ADAMTS19: variants seen among roughly 807,000 people sequenced by gnomAD.
ADAMTS19 encodes the protein A disintegrin and metalloproteinase with thrombospondin motifs 19.
ADAMTS19 carries 93 observed loss-of-function variants against 153.3 expected under a neutral mutation model. That is an observed-to-expected ratio of 0.61 (90% CI 0.51 to 0.72). ADAMTS19 has a LOEUF of 0.72. Ranked by LOEUF, ADAMTS19 falls within the 30% of genes least tolerant of loss-of-function variation. The pLI, the probability that ADAMTS19 is intolerant of heterozygous loss-of-function variation, is 0.00. For synonymous variants in ADAMTS19, 600 were observed against 556.6 expected (o/e 1.08, Z -1.10); for missense variants, 1,482 against 1,552.1 (o/e 0.95, Z 0.76).
intron 21 of ADAMTS19, among the ~76,000 whole-genome samples, chr5:129,719,514 C>T (rs1014722210): frequency 6.6e-6 from 1 of 152,188 alleles, no homozygotes; most frequent in Non-Finnish European, 1.5e-5. Flanking sequence ...GGCATTTTAC[C>T]ATGGATTCTC....
chr5:129,625,923 C>T (rs1752022744), intron 10 of ADAMTS19, among the ~76,000 whole-genome samples: 1 of 152,100 alleles, frequency 6.6e-6, no homozygotes, highest in African/African-American at 2.4e-5. Context: ...TTGCCCATGC[C>T]TATGTCCTGA....
chr5:129,658,254 C>T (rs1248937037), intron 14 of ADAMTS19, among the ~76,000 whole-genome samples: 2 of 150,234 alleles, frequency 1.3e-5, no homozygotes, highest in Non-Finnish European at 3.0e-5. Context: ...CCTCTGCACT[C>T]CAGCCTAGGT....
intron 2 of ADAMTS19, among the ~76,000 whole-genome samples, chr5:129,475,236 G>A (rs938899809): frequency 6.6e-6 from 1 of 151,532 alleles, no homozygotes; most frequent in Non-Finnish European, 1.5e-5. Flanking sequence ...TCAATCCTAT[G>A]ATTCATTAGC....
Position 129,654,381 on chromosome 5 carries a change from G to C in ADAMTS19, c.2252G>C (p.Gly751Ala). 1 of 1,613,142 alleles carries C rather than the reference G, an allele frequency of 6.2e-7. No homozygotes were observed. Among genetic ancestry groups the C allele is most frequent in the Non-Finnish European group, 8.5e-7 (1 of 1,179,686 alleles). The change falls in exon 14 of 23, where the codon GGA (glycine) becomes GCA (alanine). Residue 751 changes from glycine to alanine, a missense_variant. Coordinates refer to ENST00000274487, the MANE Select transcript of ADAMTS19 (RefSeq NM_133638.6). ...CTTCTATCAGAAAAAGTGATGGATG[G>C]AACTTCTTGTGGCTATCAGGGATTA... The part of the protein sequence containing the change: ...PILLSEKVMD[G>A]TSCGYQGLDI...
At chr5:129,661,384 A>G (rs1234171329) in intron 15 of ADAMTS19, among the ~76,000 whole-genome samples, 1 of 152,220 alleles carries the variant, frequency 6.6e-6, no homozygotes, top group Non-Finnish European at 1.5e-5. Context: ...TATTAATTCT[A>G]TCACAGGCAC....
At chr5:129,630,309 T>C (rs903945511) in intron 10 of ADAMTS19, among the ~76,000 whole-genome samples, 5 of 152,056 alleles carry the variant, frequency 3.3e-5, no homozygotes, top group Non-Finnish European at 7.4e-5. Context: ...GAATTTGGAT[T>C]TAAAAAAGGC....
At chr5:129,479,592 C>T (rs1750342639) in intron 2 of ADAMTS19, among the ~76,000 whole-genome samples, 2 of 152,208 alleles carry the variant, frequency 1.3e-5, no homozygotes, top group East Asian at 1.9e-4. Context: ...CTAAAACAAA[C>T]GTGCGAGGTT....
At chr5:129,597,281 A>G (rs1750424563) in intron 8 of ADAMTS19, among the ~76,000 whole-genome samples, 1 of 152,256 alleles carries the variant, frequency 6.6e-6, no homozygotes, top group Non-Finnish European at 1.5e-5. Flanking sequence ...CAACACTTAC[A>G]TAGTACTTAC....
At chr5:129,700,145 A>G (rs1755764743) in intron 19 of ADAMTS19, among the ~76,000 whole-genome samples, 1 of 152,210 alleles carries the variant, frequency 6.6e-6, no homozygotes, top group South Asian at 2.1e-4. Context: ...CTTTTCTGTC[A>G]TAGGTTTTAG....
At chr5:129,578,900 A>G (rs2126880793) in intron 7 of ADAMTS19, among the ~76,000 whole-genome samples, 1 of 152,282 alleles carries the variant, frequency 6.6e-6, no homozygotes, top group Non-Finnish European at 1.5e-5. Context: ...TGCAATATAC[A>G]TACGTGTGCA....
chr5:129,477,414 C>A (rs1364290952), intron 2 of ADAMTS19, among the ~76,000 whole-genome samples: 2 of 152,114 alleles, frequency 1.3e-5, no homozygotes, highest in Non-Finnish European at 2.9e-5. Context: ...TGAATTGATA[C>A]AACCTTCGTA....
intron 17 of ADAMTS19, 93 bp from the exon 18 acceptor site, chr5:129,684,027 A>G: frequency 7.5e-7 from 1 of 1,330,968 alleles, no homozygotes; most frequent in East Asian, 2.3e-5. Context: ...CAACACAATG[A>G]GCATTTTAAG....
intron 21 of ADAMTS19, among the ~76,000 whole-genome samples, chr5:129,709,021 A>G (rs1756313154): frequency 6.6e-6 from 1 of 152,148 alleles, no homozygotes. Flanking sequence ...AGCCTGCAGT[A>G]TAATGAGTAA....
chr5:129,703,376 G>A (rs1256863066), intron 20 of ADAMTS19, among the ~76,000 whole-genome samples: 1 of 151,988 alleles, frequency 6.6e-6, no homozygotes, highest in African/African-American at 2.4e-5. Flanking sequence ...GAACCAAATT[G>A]TATTTTAATT....
intron 21 of ADAMTS19, among the ~76,000 whole-genome samples, chr5:129,727,389 C>G (rs1757249980): frequency 6.6e-6 from 1 of 152,062 alleles, no homozygotes; most frequent in Admixed American, 6.6e-5. Flanking sequence ...TTACCTCATA[C>G]CATATAACCT....
At chr5:129,608,567 C>CTGCTCTAAGAAGAGAGGATA (rs1276230768) in intron 8 of ADAMTS19, among the ~76,000 whole-genome samples, 1 of 152,060 alleles carries the variant, frequency 6.6e-6, no homozygotes, top group Non-Finnish European at 1.5e-5. Context: ...AGTAGTATAT[C>CTGCTCTAAGAAGAGAGGATA]TGCTCTAAGA....
At chr5:129,674,204 C>A (rs1202934211) in intron 16 of ADAMTS19, among the ~76,000 whole-genome samples, 2 of 149,660 alleles carry the variant, frequency 1.3e-5, no homozygotes, top group Non-Finnish European at 3.0e-5. Context: ...GCACTCCAGC[C>A]TAGGCAACAA....
At chr5:129,551,228 G>A (rs1222179911) in intron 6 of ADAMTS19, among the ~76,000 whole-genome samples, 1 of 151,518 alleles carries the variant, frequency 6.6e-6, no homozygotes, top group Non-Finnish European at 1.5e-5. Context: ...TCTTATTAAG[G>A]TCTATTAAAT....
chr5:129,714,798 T>C (rs1327640552), intron 21 of ADAMTS19, among the ~76,000 whole-genome samples: 1 of 152,238 alleles, frequency 6.6e-6, no homozygotes, highest in African/African-American at 2.4e-5. Flanking sequence ...TTTTAAAAAA[T>C]GTTTAACAAA....
Sources: allele counts gnomAD v4.1 joint callset (sites outside exome capture counted in the v4.1 genomes callset), GRCh38; gene constraint gnomAD v4.1.1; transcripts MANE v1.5; gene names NCBI Gene and HGNC (gene_info 2026-07-23, HGNC 2026-07-21).